Variants in DOCK4 observed in about 807,000 individuals in gnomAD.
DOCK4 encodes the protein dedicator of cytokinesis protein 4.
DOCK4 carries 97 observed loss-of-function variants against 268.1 expected under a neutral mutation model. The ratio of observed to expected loss-of-function variants is 0.36; its 90% CI spans 0.31 to 0.43. The LOEUF is 0.43. DOCK4 is among the 20% of genes least tolerant of loss of function. The probability of loss-of-function intolerance (pLI) is 1.00; values close to 1 mark genes in which losing one functional copy is unlikely to be tolerated. For synonymous variants in DOCK4, 954 were observed against 887.2 expected (o/e 1.08, Z -1.34); for missense variants, 2,145 against 2,455.7 (o/e 0.87, Z 2.67).
At chr7:112,113,825 C>A (rs1811888916) in intron 1 of DOCK4, among the ~76,000 whole-genome samples, 2 of 132,296 alleles carry the variant, frequency 1.5e-5, no homozygotes, top group African/African-American at 5.5e-5. Context: ...AAACTTCTGG[C>A]CTTAGTGACC....
intron 4 of DOCK4, among the ~76,000 whole-genome samples, chr7:111,997,933 A>C (rs1800099632): frequency 6.6e-6 from 1 of 152,208 alleles, no homozygotes; most frequent in African/African-American, 2.4e-5. Context: ...TATTAGAAAT[A>C]CTAGGTGATC....
intron 32 of DOCK4, 196 bp downstream of exon 32, chr7:111,788,466 T>C (rs941754908): frequency 8.7e-6 from 5 of 576,924 alleles, no homozygotes; most frequent in African/African-American, 5.6e-5. Context: ...CAGGAAGACA[T>C]GCCTAATCAT....
chr7:112,098,676 T>C (rs1274016274), intron 1 of DOCK4, among the ~76,000 whole-genome samples: 1 of 149,700 alleles, frequency 6.7e-6, no homozygotes, highest in Non-Finnish European at 1.5e-5. Context: ...TTTATGTAAT[T>C]ATATAGATTA....
At chr7:112,180,977 T>C (rs1350119316) in intron 1 of DOCK4, among the ~76,000 whole-genome samples, 1 of 152,214 alleles carries the variant, frequency 6.6e-6, no homozygotes, top group Non-Finnish European at 1.5e-5. Context: ...AGGTAGTAGT[T>C]GCAGAATGGC....
At position 112,070,816 on chromosome 7, in the gene DOCK4, C is replaced by T. The variant is rs111913207; in HGVS notation, c.38-66685G>A. 9.0e-3 allele frequency among the ~76,000 whole-genome samples: 1,369 copies of T among 152,326 alleles called. 12 individuals are homozygous for T. Among genetic ancestry groups the T allele is most frequent in the Middle Eastern group, 0.044 (13 of 294 alleles). Reference sequence around the variant, plus strand: ...AAAGTCTTAGGCACACTGGCCCTGCCTTTCTCCTCCTCCTCCTATTCCCTG... The same window carrying T: ...AAAGTCTTAGGCACACTGGCCCTGCTTTTCTCCTCCTCCTCCTATTCCCTG... On this transcript the variant is annotated intron_variant, in intron 1 of 52. Coordinates refer to ENST00000428084, the MANE Select transcript of DOCK4 (RefSeq NM_001363540.2).
intron 1 of DOCK4, among the ~76,000 whole-genome samples, chr7:112,102,148 G>C (rs914827120): frequency 4.6e-5 from 7 of 152,048 alleles, no homozygotes; most frequent in Non-Finnish European, 1.0e-4. Context: ...TTGCTATAAC[G>C]CTCCTTCTGT....
At chr7:111,973,185 AT>A (rs1457340940) in intron 8 of DOCK4, among the ~76,000 whole-genome samples, 9 of 144,210 alleles carry the variant, frequency 6.2e-5, no homozygotes, top group South Asian at 4.2e-4. Flanking sequence ...ATATATATAT[AT>A]AATATTTTCT....
At chr7:112,059,092 A>G (rs1408364949) in intron 1 of DOCK4, among the ~76,000 whole-genome samples, 3 of 150,412 alleles carry the variant, frequency 2.0e-5, no homozygotes, top group Non-Finnish European at 4.4e-5. Context: ...TTTTAAGCAC[A>G]TGTAATAATT....
At chr7:111,816,957 T>C (rs933372834) in intron 27 of DOCK4, among the ~76,000 whole-genome samples, 1 of 152,132 alleles carries the variant, frequency 6.6e-6, no homozygotes, top group Non-Finnish European at 1.5e-5. Flanking sequence ...GCAGTGTGGA[T>C]GAAGCAAAAA....
At chr7:111,897,139 C>A (rs890469560) in intron 15 of DOCK4, among the ~76,000 whole-genome samples, 1 of 151,822 alleles carries the variant, frequency 6.6e-6, no homozygotes, top group Admixed American at 6.6e-5. Flanking sequence ...CCCCCTTTTC[C>A]CCCTCCATCT....
intron 1 of DOCK4, among the ~76,000 whole-genome samples, chr7:112,134,460 C>T (rs1326854136): frequency 6.6e-6 from 1 of 152,200 alleles, no homozygotes; most frequent in Non-Finnish European, 1.5e-5. Context: ...TGGCTCACGC[C>T]TGTAATCCCA....
At chr7:111,994,062 G>C (rs1799737081) in intron 5 of DOCK4, 73 bp downstream of exon 5, 2 of 959,654 alleles carry the variant, frequency 2.1e-6, no homozygotes, top group African/African-American at 3.3e-5. Flanking sequence ...ATTAGTTAAT[G>C]CTTACTCATG....
chr7:111,744,852 C>G (rs1473082435), intron 44 of DOCK4, among the ~76,000 whole-genome samples: 1 of 152,218 alleles, frequency 6.6e-6, no homozygotes, highest in Non-Finnish European at 1.5e-5. Flanking sequence ...CCACCTCTCT[C>G]CCTGTAGTAT....
chr7:111,943,568 C>T (rs1456741247), intron 10 of DOCK4, among the ~76,000 whole-genome samples: 1 of 152,198 alleles, frequency 6.6e-6, no homozygotes, highest in East Asian at 1.9e-4. Flanking sequence ...GACTAAATGA[C>T]AAACTACCTC....
At chr7:112,165,729 A>G (rs1482705045) in intron 1 of DOCK4, among the ~76,000 whole-genome samples, 1 of 152,164 alleles carries the variant, frequency 6.6e-6, no homozygotes, top group Non-Finnish European at 1.5e-5. Context: ...AAAAAAATCA[A>G]GAAGTACTTA....
intron 20 of DOCK4, among the ~76,000 whole-genome samples, chr7:111,871,347 A>T (rs945696854): frequency 4.6e-5 from 7 of 152,234 alleles, no homozygotes; most frequent in Admixed American, 1.3e-4. Flanking sequence ...GCAATTATCA[A>T]CTATGTTGAG....
intron 1 of DOCK4, among the ~76,000 whole-genome samples, chr7:112,117,108 A>T (rs1276578111): frequency 6.6e-6 from 1 of 152,178 alleles, no homozygotes. Context: ...TCCAGCAACC[A>T]TCTCAGTTCA....
intron 1 of DOCK4, among the ~76,000 whole-genome samples, chr7:112,012,386 G>A (rs1562990903): frequency 6.6e-6 from 1 of 152,042 alleles, no homozygotes. Context: ...GATAAGGAAA[G>A]TAACGGGGTT....
chr7:111,862,482 C>CTTT (rs1168060750), intron 23 of DOCK4, among the ~76,000 whole-genome samples: 7 of 83,380 alleles, frequency 8.4e-5, no homozygotes, highest in African/African-American at 1.0e-4. Context: ...GAAAATCATT[C>CTTT]TTTTTTTTTT....
Sources: allele counts gnomAD v4.1 joint callset (sites outside exome capture counted in the v4.1 genomes callset), GRCh38; gene constraint gnomAD v4.1.1; transcripts MANE v1.5; gene names NCBI Gene and HGNC (gene_info 2026-07-23, HGNC 2026-07-21).